Variants in PRELID2 observed in about 807,000 individuals in gnomAD.
The protein encoded by PRELID2 is PRELI domain containing 2.
Under a neutral mutation model 28.4 loss-of-function variants are expected in PRELID2, and 25 were observed. The observed-to-expected ratio is 0.88, with a 90% confidence interval of 0.64 to 1.23. The LOEUF (loss-of-function observed/expected upper bound fraction) is 1.23. PRELID2 is among the 50% of genes most tolerant of loss of function. PRELID2 has a pLI of 0.00. For synonymous variants in PRELID2, 76 were observed against 71.6 expected (o/e 1.06, Z -0.31); for missense variants, 201 against 214.4 (o/e 0.94, Z 0.39).
chr5:145,543,639 T>C (rs886161352), intron 1 of PRELID2, among the ~76,000 whole-genome samples: 6 of 152,082 alleles, frequency 3.9e-5, no homozygotes, highest in Admixed American at 1.3e-4. Context: ...AAAATTCCAA[T>C]TTAGAGTGCC....
At chr5:145,593,445 T>C (rs1476569171) in intron 1 of PRELID2, among the ~76,000 whole-genome samples, 1 of 152,184 alleles carries the variant, frequency 6.6e-6, no homozygotes, top group East Asian at 1.9e-4. Flanking sequence ...CAGCCAGCTA[T>C]TGGCAAAAAT....
the PRELID2 span, among the ~76,000 whole-genome samples, chr5:145,332,488 C>T: frequency 2.6e-5 from 4 of 151,916 alleles, no homozygotes; most frequent in African/African-American, 9.7e-5. Context: ...TTTCTCTAAT[C>T]CTGTCTTCAC....
the PRELID2 span, among the ~76,000 whole-genome samples, chr5:145,430,630 C>T: frequency 1.3e-5 from 2 of 152,268 alleles, no homozygotes; most frequent in South Asian, 2.1e-4. Context: ...CATTGTTTCT[C>T]ATGGTACCAT....
At chr5:145,717,681 AAAT>A (rs1355375403) in intron 1 of PRELID2, among the ~76,000 whole-genome samples, 3 of 150,872 alleles carry the variant, frequency 2.0e-5, no homozygotes, top group Admixed American at 1.3e-4. Flanking sequence ...ATTAGATTTA[AAAT>A]AATTATAATA....
At chr5:145,576,570 C>A (rs181077777) in intron 1 of PRELID2, among the ~76,000 whole-genome samples, 3 of 151,830 alleles carry the variant, frequency 2.0e-5, no homozygotes, top group African/African-American at 7.3e-5. Context: ...CCAGGGATTG[C>A]CTCCTACAGA....
the PRELID2 span, among the ~76,000 whole-genome samples, chr5:145,252,573 T>C: frequency 9.9e-5 from 15 of 152,164 alleles, no homozygotes; most frequent in Non-Finnish European, 2.1e-4. Flanking sequence ...TTTGTCTTTG[T>C]ATTGTATTAA....
chr5:145,496,499 A>T (rs1332376213), intron 1 of PRELID2, among the ~76,000 whole-genome samples: 1 of 152,172 alleles, frequency 6.6e-6, no homozygotes, highest in Non-Finnish European at 1.5e-5. Context: ...AGCAAAAGGA[A>T]CCAAGAGGGA....
chr5:145,365,622 T>C, the PRELID2 span, among the ~76,000 whole-genome samples: 2 of 151,902 alleles, frequency 1.3e-5, no homozygotes, highest in Admixed American at 1.3e-4. Context: ...TTGAAATAAC[T>C]GAACCAATTG....
At chr5:145,240,144 C>T in the PRELID2 span, among the ~76,000 whole-genome samples, 1,086 of 151,998 alleles carry the variant, frequency 7.1e-3, 21 homozygotes, top group African/African-American at 0.025. Context: ...AATGGTCTGA[C>T]GTTTTATGGC....
chr5:145,654,341 A>C (rs1291487416), intron 1 of PRELID2, among the ~76,000 whole-genome samples: 2 of 152,124 alleles, frequency 1.3e-5, no homozygotes, highest in African/African-American at 2.4e-5. Flanking sequence ...TGGTACCATT[A>C]CTTCTGAAAA....
chr5:145,730,361 A>C (rs936988829), intron 1 of PRELID2, among the ~76,000 whole-genome samples: 2 of 152,186 alleles, frequency 1.3e-5, no homozygotes, highest in Admixed American at 6.5e-5. Flanking sequence ...CATGCCCGTA[A>C]TGTAGAAAGC....
chr5:145,421,931 T>G, the PRELID2 span, among the ~76,000 whole-genome samples: 2 of 152,096 alleles, frequency 1.3e-5, no homozygotes, highest in South Asian at 2.1e-4. Context: ...TGGTATGTTG[T>G]GTCTTTGTTC....
the PRELID2 span, among the ~76,000 whole-genome samples, chr5:145,446,948 C>G: frequency 7.7e-3 from 1,174 of 151,868 alleles, 11 homozygotes; most frequent in African/African-American, 0.027. Flanking sequence ...ACTTGGGAGG[C>G]TGAGAAAAGA....
intron 1 of PRELID2, among the ~76,000 whole-genome samples, chr5:145,712,958 C>T (rs950047036): frequency 6.6e-6 from 1 of 151,758 alleles, no homozygotes; most frequent in African/African-American, 2.4e-5. Flanking sequence ...AGGAAAGGGT[C>T]AGTCAAGCTA....
chr5:145,561,009 C>CT lies in PRELID2; in HGVS notation n.71-87695dup, dbSNP rs76067294. ...AATCATGAAAAATAGGACTGTTTCA[C>CT]TTTTTTTTTTTTTTCCTAAAATGTT... On this transcript the variant is annotated intron_variant and non_coding_transcript_variant, in intron 1 of 2. Coordinates refer to the PRELID2 transcript ENST00000510259. 2.6e-3 allele frequency among the ~76,000 whole-genome samples: 377 copies of CT among 143,882 alleles called. 4 individuals are homozygous for CT. The highest frequency in any genetic ancestry group is 0.022 in the South Asian group (99 of 4,496). 94.4% of individuals were successfully genotyped at this position (143,882 alleles called of 152,430 possible).
chr5:145,591,429 T>C (rs1753225137), intron 1 of PRELID2, among the ~76,000 whole-genome samples: 1 of 152,168 alleles, frequency 6.6e-6, no homozygotes, highest in Admixed American at 6.5e-5. Flanking sequence ...ATTTTTCTAC[T>C]TTGGAGAATA....
At chr5:145,621,295 A>T (rs1471852631) in intron 1 of PRELID2, among the ~76,000 whole-genome samples, 3 of 151,496 alleles carry the variant, frequency 2.0e-5, no homozygotes, top group Non-Finnish European at 2.9e-5. Context: ...CCTAGCAAAG[A>T]TATTGAGAAA....
chr5:145,497,413 C>T (rs1323318641), intron 1 of PRELID2, among the ~76,000 whole-genome samples: 1 of 152,126 alleles, frequency 6.6e-6, no homozygotes, highest in Admixed American at 6.6e-5. Flanking sequence ...GTATCCTTCC[C>T]CCTTAACTAC....
rs62394213 is a variant in PRELID2, at chr5:145,617,518, G to T, written n.71-144203C>A. On this transcript the variant is annotated intron_variant and non_coding_transcript_variant, in intron 1 of 2. Transcript: ENST00000510259. Reference sequence around the variant, plus strand: ...CCCTCAACAGGTTGGGTCATTTATCGTAATACCAGACATCTTGGAGGCTTT... The same window carrying T: ...CCCTCAACAGGTTGGGTCATTTATCTTAATACCAGACATCTTGGAGGCTTT... Among the ~76,000 whole-genome samples, 168 of 152,114 alleles carry T rather than the reference G, an allele frequency of 1.1e-3. 1 individual carries two copies. In the East Asian group the frequency reaches 0.028, roughly 25 times the overall value.
Sources: gnomAD v4.1 joint callset for allele counts (sites outside exome capture counted in the v4.1 genomes callset) on GRCh38, gnomAD v4.1.1 for gene constraint, MANE v1.5 for transcripts, NCBI Gene and HGNC (gene_info 2026-07-23, HGNC 2026-07-21) for gene names.